PKP4: variants seen among roughly 807,000 people sequenced by gnomAD.
The protein encoded by PKP4 is plakophilin-4.
A neutral mutation model predicts 145.1 loss-of-function variants in PKP4; 90 were observed. The ratio of observed to expected loss-of-function variants is 0.62; its 90% CI spans 0.52 to 0.74. The LOEUF (loss-of-function observed/expected upper bound fraction) is 0.74, where lower values mean the gene tolerates loss of function less well. Among genes scored for constraint, PKP4 ranks in the 30% least tolerant of loss-of-function variants. PKP4 has a pLI of 0.00. For synonymous variants in PKP4, 563 were observed against 577.2 expected (o/e 0.98, Z 0.35); for missense variants, 1,340 against 1,482.7 (o/e 0.90, Z 1.58).
At chr2:158,471,788 A>G (rs1691609386) in intron 1 of PKP4, among the ~76,000 whole-genome samples, 1 of 152,254 alleles carries the variant, frequency 6.6e-6, no homozygotes, top group Non-Finnish European at 1.5e-5. Flanking sequence ...GTCATTGAAA[A>G]GTAATTCCTT....
At chr2:158,460,796 C>T (rs577044311) in intron 1 of PKP4, among the ~76,000 whole-genome samples, 1 of 152,258 alleles carries the variant, frequency 6.6e-6, no homozygotes, top group South Asian at 2.1e-4. Context: ...TTCAAGTGTA[C>T]AGGGAGATAG....
At chr2:158,644,191 A>T (rs2528575) in intron 11 of PKP4, among the ~76,000 whole-genome samples, 102,498 of 152,220 alleles carry the variant, frequency 0.67, 37,046 homozygotes, top group East Asian at 0.92. Flanking sequence ...GAGGATTGAT[A>T]TGAAGTGGGA....
At chr2:158,533,066 G>T (rs2043715335) in intron 1 of PKP4, 114 bp from the exon 2 acceptor site, 3 of 1,057,590 alleles carry the variant, frequency 2.8e-6, no homozygotes, top group African/African-American at 1.6e-5. Context: ...ACAAGTTTTT[G>T]ATCATGGTGT....
chr2:158,659,493 A>G (rs72942773), intron 12 of PKP4: 17,926 of 152,358 alleles, frequency 0.12, 1,367 homozygotes, highest in Non-Finnish European at 0.16. Flanking sequence ...ATGGAACCAC[A>G]TTCTACCAGG....
At chr2:158,529,295 G>C (rs913336914) in intron 1 of PKP4, among the ~76,000 whole-genome samples, 1 of 152,176 alleles carries the variant, frequency 6.6e-6, no homozygotes, top group African/African-American at 2.4e-5. Context: ...AGCCTAAAAA[G>C]CCTCCTTCAG....
chr2:158,488,051 G>A (rs1282008375), intron 1 of PKP4, among the ~76,000 whole-genome samples: 1 of 152,094 alleles, frequency 6.6e-6, no homozygotes, highest in Non-Finnish European at 1.5e-5. Context: ...GACCCTTTAT[G>A]TTTTTCAATC....
Position 158,625,017 on chromosome 2 carries a change from C to T in PKP4, c.743C>T (p.Pro248Leu), listed in dbSNP as rs765708724. 105 of 1,614,004 alleles carry T rather than the reference C, an allele frequency of 6.5e-5. No homozygotes were observed. Among genetic ancestry groups the T allele is most frequent in the Non-Finnish European group, 8.1e-5 (96 of 1,180,020 alleles). Residue 248 changes from proline (P) to leucine (L), a missense_variant, in exon 7 of 22, where the codon CCG becomes CTG. By Grantham distance (98) the Pro-to-Leu change is moderately conservative. Coordinates refer to ENST00000389759, the MANE Select transcript of PKP4 (RefSeq NM_003628.6). ...RTSLGSGFGS[P>L]SVTDPRPLNP... is the part of the protein sequence containing the mutation. ...TCTCTGGGTAGTGGATTTGGCTCTC[C>T]GTCAGTGACCGACCCCCGACCTCTG...
chr2:158,545,099 T>TTTTTTTA (rs58175323), intron 2 of PKP4, among the ~76,000 whole-genome samples: 5 of 123,456 alleles, frequency 4.1e-5, no homozygotes, highest in Admixed American at 1.6e-4. Flanking sequence ...TTTTTTTTTT[T>TTTTTTTA]GAGCCACTGG....
intron 3 of PKP4, among the ~76,000 whole-genome samples, chr2:158,585,320 TCATA>T (rs946522937): frequency 1.3e-5 from 2 of 152,180 alleles, no homozygotes; most frequent in African/African-American, 4.8e-5. Context: ...TTCAAAAAGG[TCATA>T]CAGTTTTGAC....
At chr2:158,484,132 C>T (rs1330916212) in intron 1 of PKP4, among the ~76,000 whole-genome samples, 1 of 151,802 alleles carries the variant, frequency 6.6e-6, no homozygotes, top group Non-Finnish European at 1.5e-5. Context: ...ACTGCAAGCT[C>T]CGCCTCCCGG....
At chr2:158,505,945 G>C (rs746957966) in intron 1 of PKP4, among the ~76,000 whole-genome samples, 6 of 152,102 alleles carry the variant, frequency 3.9e-5, no homozygotes, top group African/African-American at 7.2e-5. Flanking sequence ...TCCCTCAACT[G>C]TGAGCTTCAA....
chr2:158,541,678 A>C (rs1324173957), intron 2 of PKP4, among the ~76,000 whole-genome samples: 5 of 152,180 alleles, frequency 3.3e-5, no homozygotes. Flanking sequence ...CTTGAAAGAA[A>C]ATTTAATTTT....
At position 158,631,984 on chromosome 2, in the gene PKP4, C is replaced by G. The variant is rs538004814; in HGVS notation, c.1342+43C>G. ...TTACTGGTTTCCTGATTTCATAGGC[C>G]CCACAGTAGAAGTGTTTTATTGAGA... On this transcript the variant is annotated intron_variant, in intron 8 of 21. Coordinates refer to ENST00000389759, the MANE Select transcript of PKP4 (RefSeq NM_003628.6). 5.5e-5 allele frequency: 86 copies of G among 1,557,144 alleles called. 1 individual carries two copies. In the South Asian group the frequency reaches 8.2e-4, roughly 15 times the overall value.
intron 1 of PKP4, among the ~76,000 whole-genome samples, chr2:158,523,197 GAC>G (rs371235176): frequency 0.11 from 16,354 of 151,192 alleles, 1,110 homozygotes; most frequent in Non-Finnish European, 0.15. Context: ...CAAACAAAAA[GAC>G]AGCAGTAACC....
chr2:158,587,842 A>G (rs1281870407), intron 3 of PKP4, among the ~76,000 whole-genome samples: 1 of 151,834 alleles, frequency 6.6e-6, no homozygotes, highest in South Asian at 2.1e-4. Context: ...TTGACTTTGT[A>G]TACTTTTATG....
At position 158,621,030 on chromosome 2, in the gene PKP4, C is replaced by T. The variant is rs542322947; in HGVS notation, c.321C>T (p.Asp107=). ...GTGTAAGCAAACCTAGAGTTTCTGA[C>T]GCTGTCCAGCCCAACAACTATCTCA... ...NTGVSKPRVS[D]AVQPNNYLIR... The change falls in exon 5 of 22, where the codon GAC becomes GAT. Residue 107 remains aspartate, a synonymous_variant. Coordinates refer to ENST00000389759, the MANE Select transcript of PKP4 (RefSeq NM_003628.6). 1.2e-5 allele frequency: 19 copies of T among 1,614,002 alleles called. No homozygotes were observed. The East Asian group carries it at 1.3e-4, about 11-fold the overall frequency.
intron 2 of PKP4, among the ~76,000 whole-genome samples, chr2:158,555,781 G>T (rs2046037106): frequency 6.6e-6 from 1 of 152,174 alleles, no homozygotes; most frequent in South Asian, 2.1e-4. Flanking sequence ...GACAGTTTGA[G>T]TTGTACAACC....
intron 4 of PKP4, among the ~76,000 whole-genome samples, chr2:158,620,667 C>T (rs1048033876): frequency 1.3e-5 from 2 of 152,164 alleles, no homozygotes; most frequent in African/African-American, 4.8e-5. Flanking sequence ...TCTCCATTCT[C>T]AGTCTTTTAA....
chr2:158,584,868 T>C (rs1319092443), intron 3 of PKP4, among the ~76,000 whole-genome samples: 1 of 152,188 alleles, frequency 6.6e-6, no homozygotes, highest in Non-Finnish European at 1.5e-5. Context: ...CTTTGTTTTT[T>C]ATTTACTTCT....
Sources: allele counts gnomAD v4.1 joint callset (sites outside exome capture counted in the v4.1 genomes callset), GRCh38; gene constraint gnomAD v4.1.1; transcripts MANE v1.5; gene names NCBI Gene and HGNC (gene_info 2026-07-23, HGNC 2026-07-21).